Variants in ST18 observed in about 807,000 individuals in gnomAD.
ST18 encodes the protein suppression of tumorigenicity 18 protein.
In ST18, 50 loss-of-function variants were observed where a neutral mutation model predicts 110.0. The ratio of observed to expected loss-of-function variants is 0.45; its 90% confidence interval spans 0.36 to 0.58. ST18 has a LOEUF of 0.58. ST18 is among the 20% of genes least tolerant of loss of function. The pLI is 0.00. For missense variants in ST18, 1,306 were observed against 1,280.1 expected, an observed-to-expected ratio of 1.02 and a Z score of -0.31; for synonymous variants, 461 against 452.4, an observed-to-expected ratio of 1.02 and a Z score of -0.24.
rs2065269248 is a variant in ST18 at position 52,172,376 on chromosome 8, T to C, written c.485A>G (p.Asp162Gly). The change falls in exon 10 of 26, where the codon GAT (aspartate) becomes GGT (glycine). Residue 162 changes from aspartate (D) to glycine (G), a missense_variant. Coordinates refer to ENST00000689386, the MANE Select transcript of ST18 (RefSeq NM_001352837.2). ...AATCAGAAAGCACTCGTCTGCTTCA[T>C]CGCTCTCTGCTTTTAAAGACTGGAT... ...SGIQSLKAES[D>G]EADECFLIHS... 6.2e-7 allele frequency: 1 copy of C among 1,614,128 alleles called. No individual in the cohort carries two copies. Among genetic ancestry groups the C allele is most frequent in the Non-Finnish European group, 8.5e-7 (1 of 1,180,038 alleles).
At chr8:52,176,207 T>C (rs959031509) in intron 9 of ST18, among the ~76,000 whole-genome samples, 1 of 151,926 alleles carries the variant, frequency 6.6e-6, no homozygotes, top group African/African-American at 2.4e-5. Context: ...GTATTTTTAG[T>C]AGAGATGGGG....
intron 2 of ST18, among the ~76,000 whole-genome samples, chr8:52,356,338 C>T (rs1320802191): frequency 6.6e-6 from 1 of 152,080 alleles, no homozygotes; most frequent in African/African-American, 2.4e-5. Context: ...TTTAAGAAAA[C>T]TCTGTCAAAA....
chr8:52,330,832 C>CGT lies in ST18; in HGVS notation c.-465+78494_-465+78495dup, dbSNP rs535925378. ...GGCTCCTTGCTGCCTCTATAAACCACGTGTGTGTACATCTTAGCGAGCCCA... is the reference window on the plus strand; with the variant it reads ...GGCTCCTTGCTGCCTCTATAAACCACGTGTGTGTGTACATCTTAGCGAGCCCA... On this transcript the variant is annotated intron_variant, in intron 2 of 25. Coordinates refer to ENST00000689386, the MANE Select transcript of ST18 (RefSeq NM_001352837.2). Among the ~76,000 whole-genome samples, 15 of 152,278 alleles carry CGT rather than the reference C, an allele frequency of 9.9e-5. No individual in the cohort carries two copies. The South Asian group carries it at 3.1e-3, about 32-fold the overall frequency.
At chr8:52,171,684 T>C in intron 10 of ST18, 108 bp downstream of exon 10, 1 of 1,104,546 alleles carries the variant, frequency 9.1e-7, no homozygotes, top group Non-Finnish European at 1.3e-6. Context: ...GATTTTTAAG[T>C]TGCATTAAAC....
intron 19 of ST18, among the ~76,000 whole-genome samples, chr8:52,134,010 C>G (rs907722267): frequency 4.6e-5 from 7 of 152,140 alleles, no homozygotes; most frequent in African/African-American, 7.2e-5. Context: ...GGATTACAGG[C>G]GTGAGCCACT....
chr8:52,198,679 A>G (rs1267593307), intron 8 of ST18, among the ~76,000 whole-genome samples: 2 of 152,232 alleles, frequency 1.3e-5, no homozygotes, highest in Non-Finnish European at 2.9e-5. Flanking sequence ...TAATATCTCT[A>G]TGTGTGAGTG....
chr8:52,140,950 A>C (rs1053526035), intron 17 of ST18, among the ~76,000 whole-genome samples: 46 of 152,214 alleles, frequency 3.0e-4, no homozygotes, highest in African/African-American at 9.9e-4. Flanking sequence ...CATGTGGGAA[A>C]AGGTGTCTGG....
rs56856023 is a variant in ST18, at chr8:52,252,505, TAA to T, written c.-464-22430_-464-22429del. On this transcript the variant is annotated intron_variant, in intron 2 of 25. Coordinates refer to ENST00000689386, the MANE Select transcript of ST18 (RefSeq NM_001352837.2). ...TATAGTAGAACACTAATGGCCACTC[TAA>T]AAAAAAAAACTCCTTTAAACATAAT... Among the ~76,000 whole-genome samples, 4 of 147,020 alleles carry T rather than the reference TAA, an allele frequency of 2.7e-5. 1 individual carries two copies. The highest frequency in any genetic ancestry group is 7.4e-5 in the African/African-American group (3 of 40,340).
chr8:52,267,807 C>G (rs1295336563), intron 2 of ST18, among the ~76,000 whole-genome samples: 1 of 152,132 alleles, frequency 6.6e-6, no homozygotes, highest in Non-Finnish European at 1.5e-5. Context: ...GGCTTGGTGG[C>G]AAAAAGCAGA....
At chr8:52,151,375 C>T (rs1563712665) in intron 15 of ST18, among the ~76,000 whole-genome samples, 1 of 152,172 alleles carries the variant, frequency 6.6e-6, no homozygotes, top group South Asian at 2.1e-4. Context: ...GGTAAATACG[C>T]TTCTAATATG....
chr8:52,179,623 T>C (rs922587955), intron 9 of ST18, among the ~76,000 whole-genome samples: 5 of 152,106 alleles, frequency 3.3e-5, no homozygotes, highest in South Asian at 2.1e-4. Flanking sequence ...ACCAATTATA[T>C]TTTGGAGTAG....
rs181225861 is a variant in ST18, at chr8:52,134,212, C to G, written c.2301-911G>C. Among the ~76,000 whole-genome samples, 520 of 152,272 alleles carry G rather than the reference C, an allele frequency of 3.4e-3. 1 individual carries two copies. Among genetic ancestry groups the G allele is most frequent in the Non-Finnish European group, 5.8e-3 (395 of 68,020 alleles). ...GTCCTGCTTCATGGCCCAAGTCAAACAGTCTTTGGGGGAAAATCCATCAAT... is the reference window on the plus strand; with the variant it reads ...GTCCTGCTTCATGGCCCAAGTCAAAGAGTCTTTGGGGGAAAATCCATCAAT... On this transcript the variant is annotated intron_variant, in intron 19 of 25. Transcript: ENST00000689386.
At chr8:52,335,163 T>C (rs1415227507) in intron 2 of ST18, among the ~76,000 whole-genome samples, 1 of 152,202 alleles carries the variant, frequency 6.6e-6, no homozygotes, top group Non-Finnish European at 1.5e-5. Flanking sequence ...CTCTTGATTT[T>C]CTAAAATGAA....
At chr8:52,257,643 A>G (rs2094566124) in intron 2 of ST18, among the ~76,000 whole-genome samples, 1 of 151,926 alleles carries the variant, frequency 6.6e-6, no homozygotes, top group East Asian at 1.9e-4. Context: ...TTGTCTTTTC[A>G]TTATTGAGTT....
chr8:52,186,602 G>A (rs2072342595), intron 8 of ST18, among the ~76,000 whole-genome samples: 1 of 152,160 alleles, frequency 6.6e-6, no homozygotes, highest in African/African-American at 2.4e-5. Context: ...TGCACAAAAG[G>A]TATGTTCAAT....
chr8:52,169,597 T>G (rs1372240202), intron 10 of ST18, among the ~76,000 whole-genome samples: 1 of 152,132 alleles, frequency 6.6e-6, no homozygotes, highest in Non-Finnish European at 1.5e-5. Context: ...AGGTTGGTAT[T>G]TTGGAGAATA....
intron 2 of ST18, among the ~76,000 whole-genome samples, chr8:52,375,834 T>TC (rs1262080911): frequency 6.8e-6 from 1 of 146,802 alleles, no homozygotes; most frequent in Non-Finnish European, 1.5e-5. Flanking sequence ...CTTCACCAGC[T>TC]CCCCCGCAGC....
intron 8 of ST18, among the ~76,000 whole-genome samples, chr8:52,209,791 AT>A (rs59459314): frequency 0.012 from 484 of 42,000 alleles, 2 homozygotes; most frequent in African/African-American, 0.016. Flanking sequence ...AAAAAAAAAT[AT>A]ATATATATAT....
intron 2 of ST18, among the ~76,000 whole-genome samples, chr8:52,263,751 T>C (rs2094776241): frequency 6.8e-6 from 1 of 145,996 alleles, no homozygotes; most frequent in East Asian, 2.0e-4. Context: ...GGCTTTTTTT[T>C]TTTTTTTTTT....
Sources: allele counts gnomAD v4.1 joint callset (sites outside exome capture counted in the v4.1 genomes callset), GRCh38; gene constraint gnomAD v4.1.1; transcripts MANE v1.5; gene names NCBI Gene and HGNC (gene_info 2026-07-23, HGNC 2026-07-21).